Variants in HMGB1 observed in about 807,000 individuals in gnomAD.
The protein encoded by HMGB1 is high mobility group protein B1.
For missense variants in HMGB1, 79 were observed against 253.5 expected, an observed-to-expected ratio of 0.31 and a Z score of 4.67; for synonymous variants, 81 against 84.0, an observed-to-expected ratio of 0.96 and a Z score of 0.19.
In HMGB1 at chr13:30,459,680, T is replaced by G. The variant is rs1189154610; in HGVS notation, c.*1677A>C. The G allele has an allele frequency of 6.6e-6, 1 of 152,194 alleles. No individual in the cohort carries two copies. The highest frequency in any genetic ancestry group is 1.9e-4 in the East Asian group (1 of 5,204). The allele number at this position is 152,194 out of a possible 1,614,324, so 9.4% of individuals were successfully genotyped here. On this transcript the variant is annotated 3_prime_UTR_variant, in exon 5 of 5. Transcript: ENST00000341423. ...ACTTGCAATGTTTGACAAAACCTTT[T>G]ATCAGCCCATTAACCTATTTATAAG... is the stretch of plus-strand genomic sequence containing the variant.
At chr13:30,505,391 G>A (rs1887835058) in intron 1 of HMGB1, among the ~76,000 whole-genome samples, 1 of 151,506 alleles carries the variant, frequency 6.6e-6, no homozygotes, top group South Asian at 2.1e-4. Context: ...TGTTAGCCAG[G>A]ATGGTCTCCA....
chr13:30,465,905 C>G lies in HMGB1; in HGVS notation c.-124G>C, dbSNP rs1886762147. The G allele has an allele frequency of 1.0e-6, 1 of 985,844 alleles. No individual in the cohort carries two copies. The highest frequency in any genetic ancestry group is 4.7e-5 in the South Asian group (1 of 21,298). The allele number at this position is 985,844 out of a possible 1,614,324, so 61.1% of individuals were successfully genotyped here. On this transcript the variant is annotated 5_prime_UTR_variant, in exon 1 of 5. Transcript: ENST00000341423. ...TGGCTGTGAGAGCGGGAGCCAGACGCAGCCTCCTCACTCTCTCCGCTCTGT... is the reference window on the plus strand; with the variant it reads ...TGGCTGTGAGAGCGGGAGCCAGACGGAGCCTCCTCACTCTCTCCGCTCTGT...
intron 1 of HMGB1, among the ~76,000 whole-genome samples, chr13:30,505,248 A>G (rs976057853): frequency 7.2e-5 from 11 of 151,744 alleles, no homozygotes; most frequent in East Asian, 5.8e-4. Context: ...GCGCCATCTC[A>G]GCTCACTGCA....
intron 1 of HMGB1, among the ~76,000 whole-genome samples, chr13:30,501,460 C>T (rs916680917): frequency 2.6e-5 from 4 of 152,210 alleles, no homozygotes; most frequent in African/African-American, 7.2e-5. Context: ...TGCAAGGCCT[C>T]ACTGCTTTTA....
At chr13:30,617,454 A>T (rs1020625837) in exon 1 of HMGB1, 1 of 150,720 alleles carries the variant, frequency 6.6e-6, no homozygotes, top group Admixed American at 6.6e-5. Context: ...GGTCCATGGC[A>T]CCCCCGCCGG....
chr13:30,572,755 T>C (rs1870488886), intron 1 of HMGB1, among the ~76,000 whole-genome samples: 1 of 152,214 alleles, frequency 6.6e-6, no homozygotes, highest in African/African-American at 2.4e-5. Flanking sequence ...GAATAAGTTA[T>C]TTGTGGGTAT....
intron 1 of HMGB1, chr13:30,464,958 GC>G (rs1314070352): frequency 7.7e-6 from 1 of 129,352 alleles, no homozygotes; most frequent in African/African-American, 2.9e-5. Flanking sequence ...GGTGGGGGCC[GC>G]CCGAGGGCCC....
At chr13:30,612,166 T>C (rs1049815530) in intron 1 of HMGB1, among the ~76,000 whole-genome samples, 11 of 152,244 alleles carry the variant, frequency 7.2e-5, no homozygotes, top group Admixed American at 2.0e-4. Context: ...GTTATACATA[T>C]ATACACACAC....
chr13:30,465,088 C>A (rs1886679240), intron 1 of HMGB1: 3 of 913,100 alleles, frequency 3.3e-6, no homozygotes, highest in Admixed American at 6.4e-5. Context: ...AACTGCTGCG[C>A]CCAGCTCCCC....
At chr13:30,595,279 A>C (rs941559200) in intron 1 of HMGB1, among the ~76,000 whole-genome samples, 2 of 152,190 alleles carry the variant, frequency 1.3e-5, no homozygotes, top group African/African-American at 2.4e-5. Flanking sequence ...TTGTTTCTAA[A>C]TAAAATGGTA....
At chr13:30,538,553 C>CTTTCTTTCTTTT (rs1868619172) in intron 1 of HMGB1, among the ~76,000 whole-genome samples, 1 of 69,670 alleles carries the variant, frequency 1.4e-5, no homozygotes, top group Non-Finnish European at 2.6e-5. Context: ...TTCTTTCTTT[C>CTTTCTTTCTTTT]TTTTTCTTTC....
At chr13:30,531,437 G>A (rs1461304628) in intron 1 of HMGB1, among the ~76,000 whole-genome samples, 2 of 151,784 alleles carry the variant, frequency 1.3e-5, no homozygotes. Context: ...AAGATGTAGC[G>A]CACCCACGCT....
intron 1 of HMGB1, among the ~76,000 whole-genome samples, chr13:30,482,127 G>A (rs2137431920): frequency 6.6e-6 from 1 of 152,290 alleles, no homozygotes; most frequent in South Asian, 2.1e-4. Context: ...ACATATTATT[G>A]TCACATAGGT....
intron 1 of HMGB1, among the ~76,000 whole-genome samples, chr13:30,552,086 C>T (rs931681648): frequency 1.3e-5 from 2 of 152,082 alleles, no homozygotes; most frequent in Admixed American, 6.6e-5. Context: ...CAACCCCTGC[C>T]CATGGCCCTC....
chr13:30,492,648 T>G (rs932188076), intron 1 of HMGB1, among the ~76,000 whole-genome samples: 2 of 152,094 alleles, frequency 1.3e-5, no homozygotes, highest in Non-Finnish European at 2.9e-5. Context: ...CAACTGCTGA[T>G]AGGAATGTAA....
intron 1 of HMGB1, among the ~76,000 whole-genome samples, chr13:30,509,361 C>G (rs1887941049): frequency 6.6e-6 from 1 of 151,924 alleles, no homozygotes; most frequent in Admixed American, 6.6e-5. Flanking sequence ...GTCTCAGCCT[C>G]CTGAGTAGCT....
chr13:30,588,079 T>G lies in HMGB1; in HGVS notation c.-15+28592A>C, dbSNP rs1425702865. Among the ~76,000 whole-genome samples, 4 of 152,234 alleles carry G rather than the reference T, an allele frequency of 2.6e-5. No homozygotes were observed. In the East Asian group the frequency reaches 7.7e-4, roughly 29 times the overall value. On this transcript the variant is annotated intron_variant, in intron 1 of 4. Coordinates refer to the HMGB1 transcript ENST00000405805. ...CTGCCAGTCTATTTATCATATTATT[T>G]AAGAAACAAACATTTATTGAAGATT... is the stretch of plus-strand genomic sequence containing the variant.
intron 1 of HMGB1, among the ~76,000 whole-genome samples, chr13:30,475,603 G>T (rs9579577): frequency 6.6e-6 from 1 of 151,888 alleles, no homozygotes; most frequent in Non-Finnish European, 1.5e-5. Flanking sequence ...AGAAGGCTGA[G>T]ATAGGAGGAT....
At chr13:30,551,310 G>C (rs1869418993) in intron 1 of HMGB1, among the ~76,000 whole-genome samples, 1 of 152,012 alleles carries the variant, frequency 6.6e-6, no homozygotes, top group Non-Finnish European at 1.5e-5. Flanking sequence ...GGTTTAAAAG[G>C]CTCATCACTG....
Sources: gnomAD v4.1 joint callset for allele counts (sites outside exome capture counted in the v4.1 genomes callset) on GRCh38, gnomAD v4.1.1 for gene constraint, MANE v1.5 for transcripts, NCBI Gene and HGNC (gene_info 2026-07-23, HGNC 2026-07-21) for gene names.